Variants in IDI1 observed in about 807,000 individuals in gnomAD.
The protein encoded by IDI1 is isopentenyl-diphosphate Delta-isomerase 1.
IDI1 carries 23 observed loss-of-function variants against 32.9 expected under a neutral mutation model. That is an observed-to-expected ratio of 0.70 (90% CI 0.50 to 0.99). IDI1 has a LOEUF of 0.99. Among genes scored for constraint, IDI1 ranks in the 50% least tolerant of loss-of-function variants. IDI1 has a pLI of 0.00. For missense variants in IDI1, 326 were observed against 351.9 expected, an observed-to-expected ratio of 0.93 and a Z score of 0.59; for synonymous variants, 133 against 128.2, an observed-to-expected ratio of 1.04 and a Z score of -0.25.
chr10:1,055,386 A>AT, the IDI1 span, among the ~76,000 whole-genome samples: 1 of 152,236 alleles, frequency 6.6e-6, no homozygotes, highest in Non-Finnish European at 1.5e-5. Flanking sequence ...AATCCTAAAT[A>AT]TATCAACTTA....
At chr10:1,049,191 T>A (rs1379896433), upstream of IDI1, 4 of 985,286 alleles carry the variant, frequency 4.1e-6, no homozygotes, top group Non-Finnish European at 5.6e-6. Flanking sequence ...AGAGGCAGCG[T>A]CCCGCGACTG....
In IDI1 at chr10:1,041,391, A is replaced by C. The variant is rs1317884816; in HGVS notation, c.651T>G (p.Thr217=). 1 of 1,612,996 alleles carries C rather than the reference A, an allele frequency of 6.2e-7. No homozygotes were observed. Among genetic ancestry groups the C allele is most frequent in the Non-Finnish European group, 8.5e-7 (1 of 1,179,060 alleles). The change falls in exon 5 of 5, where the codon ACT becomes ACG. Residue 217 remains threonine, a synonymous_variant. Coordinates refer to ENST00000381344, the MANE Select transcript of IDI1 (RefSeq NM_004508.4). ...DYILLVRKNV[T]LNPDPNEIKS... is the part of the protein sequence containing the mutation. Reference sequence around the variant, plus strand: ...TAATCTCATTGGGATCTGGATTCAAAGTTACATTCTTCCTCACCAACAAAA... The same window carrying C: ...TAATCTCATTGGGATCTGGATTCAACGTTACATTCTTCCTCACCAACAAAA...
Position 1,043,994 on chromosome 10 carries a change from A to C in IDI1, c.313+5T>G, listed in dbSNP as rs753411620. The C allele has an allele frequency of 2.5e-6, 4 of 1,609,134 alleles. No homozygotes were observed. Among genetic ancestry groups the C allele is most frequent in the Non-Finnish European group, 3.4e-6 (4 of 1,178,092 alleles). On this transcript the variant is annotated splice_donor_5th_base_variant and intron_variant, in intron 2 of 4. Coordinates refer to ENST00000381344, the MANE Select transcript of IDI1 (RefSeq NM_004508.4). The stretch of plus-strand genomic sequence containing the variant: ...TTTACAAGAAAGACTGTTTCAAAGC[A>C]GCACCTTTCTCAATGTTCTCGTTCA...
chr10:1,055,964 A>G, the IDI1 span, among the ~76,000 whole-genome samples: 1 of 152,004 alleles, frequency 6.6e-6, no homozygotes, highest in Non-Finnish European at 1.5e-5. Flanking sequence ...GCGCGCCGCC[A>G]CGCCCGGCTA....
At chr10:1,051,093 T>C (rs954968659), upstream of IDI1, among the ~76,000 whole-genome samples, 2 of 152,270 alleles carry the variant, frequency 1.3e-5, no homozygotes, top group African/African-American at 4.8e-5. Flanking sequence ...GTACCTCGAA[T>C]GCCTATTTTC....
Position 1,041,106 on chromosome 10 carries a change from G to T in IDI1, c.*81C>A. Reference sequence around the variant, plus strand: ...GAACTAAATTTAATGATAAATTAATGATAGAACTAAATTTAAAAGGAAAAA... The same window carrying T: ...GAACTAAATTTAATGATAAATTAATTATAGAACTAAATTTAAAAGGAAAAA... On this transcript the variant is annotated 3_prime_UTR_variant, in exon 5 of 5. Coordinates refer to ENST00000381344, the MANE Select transcript of IDI1 (RefSeq NM_004508.4). 1 of 764,128 alleles carries T rather than the reference G, an allele frequency of 1.3e-6. No homozygotes were observed. The highest frequency in any genetic ancestry group is 2.1e-6 in the Non-Finnish European group (1 of 479,138). The allele number at this position is 764,128 out of a possible 1,614,324, so 47.3% of individuals were successfully genotyped here.
chr10:1,048,157 C>A, intron 1 of IDI1: 1 of 1,059,844 alleles, frequency 9.4e-7, no homozygotes, highest in South Asian at 1.3e-5. Flanking sequence ...CACCGCCCAG[C>A]TGTAATGACA....
chr10:1,045,155 CATT>C (rs1832764151), intron 1 of IDI1, among the ~76,000 whole-genome samples: 1 of 152,288 alleles, frequency 6.6e-6, no homozygotes, highest in African/African-American at 2.4e-5. Flanking sequence ...GTGCATCAAA[CATT>C]AATTTTCTGA....
upstream of IDI1, among the ~76,000 whole-genome samples, chr10:1,050,250 C>A (rs554454178): frequency 8.7e-4 from 133 of 152,284 alleles, no homozygotes; most frequent in Non-Finnish European, 1.6e-3. Flanking sequence ...TATTAAAAAT[C>A]TTTTCCAGAC....
At chr10:1,048,144 C>A (rs1832856205) in intron 1 of IDI1, 2 of 930,950 alleles carry the variant, frequency 2.1e-6, no homozygotes, top group South Asian at 2.9e-5. Flanking sequence ...TAAAGGCGTG[C>A]ACCACCGCCC....
intron 1 of IDI1, 102 bp from the exon 2 acceptor site, chr10:1,044,273 C>T (rs1036471453): frequency 1.2e-6 from 1 of 824,476 alleles, no homozygotes; most frequent in Non-Finnish European, 1.9e-6. Context: ...TGCAGTTGTA[C>T]CACTCTGCAT....
the IDI1 span, among the ~76,000 whole-genome samples, chr10:1,055,877 C>G: frequency 6.6e-6 from 1 of 152,082 alleles, no homozygotes; most frequent in Non-Finnish European, 1.5e-5. Context: ...GGCGCGATCT[C>G]GGCTCACTGC....
chr10:1,047,862 G>C (rs1832843102), intron 1 of IDI1, among the ~76,000 whole-genome samples: 1 of 152,220 alleles, frequency 6.6e-6, no homozygotes, highest in Non-Finnish European at 1.5e-5. Flanking sequence ...GTCTGTATAT[G>C]TTCAGTACAG....
intron 4 of IDI1, 82 bp from the exon 5 acceptor site, chr10:1,041,586 G>T: frequency 1.5e-6 from 1 of 689,338 alleles, no homozygotes; most frequent in Non-Finnish European, 2.4e-6. Context: ...CTGTATTACA[G>T]CGATATCTCG....
At chr10:1,043,957 T>G (rs1382835382) in intron 2 of IDI1, 42 bp downstream of exon 2, 2 of 1,564,646 alleles carry the variant, frequency 1.3e-6, no homozygotes, top group African/African-American at 2.7e-5. Flanking sequence ...CGGAAATGCC[T>G]ACACAAATCG....
chr10:1,051,332 T>C (rs1444911734), upstream of IDI1, among the ~76,000 whole-genome samples: 1 of 152,382 alleles, frequency 6.6e-6, no homozygotes, highest in Non-Finnish European at 1.5e-5. Flanking sequence ...GTTTGTTTTT[T>C]ATTTGAATTT....
At chr10:1,052,939 T>C (rs1833051904), upstream of IDI1, among the ~76,000 whole-genome samples, 1 of 152,222 alleles carries the variant, frequency 6.6e-6, no homozygotes, top group Admixed American at 6.5e-5. Context: ...ACCTATTGTT[T>C]AGCAAAGCCG....
chr10:1,042,518 A>C, intron 4 of IDI1, 114 bp downstream of exon 4: 1 of 974,716 alleles, frequency 1.0e-6, no homozygotes, highest in Non-Finnish European at 1.6e-6. Flanking sequence ...GCTAACTCAT[A>C]ACTCCGGAGG....
Position 1,048,850 on chromosome 10 carries a change from C to T in IDI1, c.140+14G>A, listed in dbSNP as rs754128534. On this transcript the variant is annotated intron_variant, in intron 1 of 4. Coordinates refer to ENST00000381344, the MANE Select transcript of IDI1 (RefSeq NM_004508.4). ...TGCCCCTGTCTCCCGAACTCCGCCGCCCGTCCACAGTACCTGATCAGCCTC... is the reference window on the plus strand; with the variant it reads ...TGCCCCTGTCTCCCGAACTCCGCCGTCCGTCCACAGTACCTGATCAGCCTC... The T allele has an allele frequency of 9.3e-6, 15 of 1,604,606 alleles. No homozygotes were observed. Among genetic ancestry groups the T allele is most frequent in the Admixed American group, 3.3e-5 (2 of 59,760 alleles).
Sources: gnomAD v4.1 joint callset for allele counts (sites outside exome capture counted in the v4.1 genomes callset) on GRCh38, gnomAD v4.1.1 for gene constraint, MANE v1.5 for transcripts, NCBI Gene and HGNC (gene_info 2026-07-23, HGNC 2026-07-21) for gene names.